The following ENOX1 variants were observed in gnomAD, a reference collection of about 807,000 sequenced individuals.
The protein encoded by ENOX1 is candidate growth-related and time keeping constitutive hydroquinone (NADH) oxidase.
In ENOX1, 42 loss-of-function variants were observed where a neutral mutation model predicts 82.5. The ratio of observed to expected loss-of-function variants is 0.51; its 90% CI spans 0.40 to 0.66. ENOX1 has a LOEUF of 0.66. Among genes scored for constraint, ENOX1 ranks in the 30% least tolerant of loss-of-function variants. The pLI, the probability that ENOX1 is intolerant of heterozygous loss-of-function variation, is 0.00. For missense variants in ENOX1, 608 were observed against 811.6 expected, an observed-to-expected ratio of 0.75 and a Z score of 3.05; for synonymous variants, 271 against 282.2, an observed-to-expected ratio of 0.96 and a Z score of 0.40.
At chr13:43,680,483 T>G (rs761644530) in intron 1 of ENOX1, among the ~76,000 whole-genome samples, 8 of 152,118 alleles carry the variant, frequency 5.3e-5, no homozygotes, top group Non-Finnish European at 1.0e-4. Flanking sequence ...AAAAAATACA[T>G]CATCTCTGCC....
chr13:43,310,197 C>CAA (rs10555409), intron 11 of ENOX1, among the ~76,000 whole-genome samples: 8 of 82,606 alleles, frequency 9.7e-5, no homozygotes, highest in African/African-American at 3.3e-4. Flanking sequence ...GATTCCATCT[C>CAA]AAAAAAAAAA....
At chr13:43,418,427 C>G (rs933362497) in intron 3 of ENOX1, among the ~76,000 whole-genome samples, 19 of 152,108 alleles carry the variant, frequency 1.2e-4, no homozygotes, top group Admixed American at 1.2e-3. Context: ...ACTTGGGAAG[C>G]TGAGGCAGGA....
chr13:43,710,175 G>C (rs2087594622), intron 1 of ENOX1, among the ~76,000 whole-genome samples: 1 of 152,172 alleles, frequency 6.6e-6, no homozygotes, highest in Non-Finnish European at 1.5e-5. Context: ...AGGAGGGAAA[G>C]ACAGTGGCAG....
Position 43,622,558 on chromosome 13 carries a change from T to G in ENOX1, c.-219+44921A>C, listed in dbSNP as rs182168030. ...CCAGCAAGTCTACCTGGCTCCAGGC[T>G]GGTAATGGGGGTTGTCTGCACAGAG... is the stretch of plus-strand genomic sequence containing the variant. On this transcript the variant is annotated intron_variant, in intron 2 of 16. Transcript: ENST00000690772. 5.9e-5 allele frequency among the ~76,000 whole-genome samples: 9 copies of G among 152,282 alleles called. No individual in the cohort carries two copies. The East Asian group carries it at 1.5e-3, about 26-fold the overall frequency.
intron 1 of ENOX1, among the ~76,000 whole-genome samples, chr13:43,752,344 CTTAG>C (rs1950369633): frequency 6.6e-6 from 1 of 152,058 alleles, no homozygotes; most frequent in African/African-American, 2.4e-5. Flanking sequence ...TTTGCATTCT[CTTAG>C]TACTATCTTT....
intron 3 of ENOX1, among the ~76,000 whole-genome samples, chr13:43,455,939 C>CT (rs999899143): frequency 1.3e-5 from 2 of 152,130 alleles, no homozygotes; most frequent in Non-Finnish European, 2.9e-5. Flanking sequence ...CATTAAACTT[C>CT]TTTTTTTAAG....
chr13:43,452,208 G>A (rs2057005152), intron 3 of ENOX1, among the ~76,000 whole-genome samples: 1 of 152,122 alleles, frequency 6.6e-6, no homozygotes, highest in Non-Finnish European at 1.5e-5. Flanking sequence ...TGCCACGGTG[G>A]TTTGCTGCAT....
At chr13:43,240,075 C>T (rs7334972) in intron 14 of ENOX1, among the ~76,000 whole-genome samples, 58 of 152,260 alleles carry the variant, frequency 3.8e-4, no homozygotes, top group African/African-American at 1.3e-3. Context: ...GTCAAAAGAG[C>T]TCCATCATCA....
At chr13:43,759,097 C>CT (rs3044251) in intron 1 of ENOX1, among the ~76,000 whole-genome samples, 102,357 of 122,424 alleles carry the variant, frequency 0.84, 44,176 homozygotes, top group Non-Finnish European at 0.93. Flanking sequence ...TGATAAGTTT[C>CT]TTTTTTTTTT....
intron 2 of ENOX1, among the ~76,000 whole-genome samples, chr13:43,510,326 A>C (rs751617385): frequency 4.9e-4 from 75 of 152,230 alleles, no homozygotes; most frequent in Non-Finnish European, 9.1e-4. Context: ...TTACTTATAC[A>C]ATCCTTTTAA....
chr13:43,775,145 AC>A (rs550049027), intron 1 of ENOX1, among the ~76,000 whole-genome samples: 2 of 151,772 alleles, frequency 1.3e-5, no homozygotes, highest in Non-Finnish European at 2.9e-5. Flanking sequence ...ACCGTGCCCA[AC>A]CTTTTTTCTT....
chr13:43,446,260 C>A (rs1288158110), intron 3 of ENOX1, among the ~76,000 whole-genome samples: 1 of 151,754 alleles, frequency 6.6e-6, no homozygotes, highest in African/African-American at 2.4e-5. Flanking sequence ...CCTTTTGGAA[C>A]CCAGGTCAGT....
intron 2 of ENOX1, among the ~76,000 whole-genome samples, chr13:43,497,537 A>G (rs1405788550): frequency 6.6e-6 from 1 of 152,132 alleles, no homozygotes; most frequent in Non-Finnish European, 1.5e-5. Flanking sequence ...TTGATTTTGA[A>G]TATTAAAGAA....
intron 2 of ENOX1, among the ~76,000 whole-genome samples, chr13:43,581,215 C>T (rs965594706): frequency 7.1e-6 from 1 of 140,394 alleles, no homozygotes; most frequent in African/African-American, 2.7e-5. Context: ...TCACTGCAAG[C>T]TCCGCCTCCC....
chr13:43,224,328 C>CT (rs2041931069), intron 15 of ENOX1, among the ~76,000 whole-genome samples, 190 bp from the exon 16 acceptor site: 1 of 152,112 alleles, frequency 6.6e-6, no homozygotes, highest in Admixed American at 6.5e-5. Context: ...AAACAGAACA[C>CT]TTTATCTCCT....
chr13:43,572,165 GA>G (rs375884264), intron 2 of ENOX1, among the ~76,000 whole-genome samples: 2 of 151,988 alleles, frequency 1.3e-5, no homozygotes, highest in Non-Finnish European at 2.9e-5. Context: ...AATCAGGCTG[GA>G]AAAAAATTCT....
chr13:43,750,187 C>G (rs892832190), intron 1 of ENOX1, among the ~76,000 whole-genome samples: 5 of 152,144 alleles, frequency 3.3e-5, no homozygotes, highest in Non-Finnish European at 7.3e-5. Flanking sequence ...GAAGAAAAAA[C>G]AGGAAGCTTC....
At chr13:43,448,764 A>G (rs2056796098) in intron 3 of ENOX1, among the ~76,000 whole-genome samples, 1 of 152,216 alleles carries the variant, frequency 6.6e-6, no homozygotes, top group Non-Finnish European at 1.5e-5. Context: ...ATGCATCAGC[A>G]CACTCGCCAA....
At chr13:43,375,219 G>A (rs963039565) in intron 5 of ENOX1, among the ~76,000 whole-genome samples, 13 of 151,958 alleles carry the variant, frequency 8.6e-5, no homozygotes, top group Admixed American at 3.9e-4. Flanking sequence ...GTATACAGAA[G>A]TGTGACAGGT....
Sources: gnomAD v4.1 joint callset for allele counts (sites outside exome capture counted in the v4.1 genomes callset) on GRCh38, gnomAD v4.1.1 for gene constraint, MANE v1.5 for transcripts, NCBI Gene and HGNC (gene_info 2026-07-23, HGNC 2026-07-21) for gene names.